GPR158: variants seen among roughly 807,000 people sequenced by gnomAD.
GPR158 encodes metabotropic glycine receptor.
In GPR158, 30 loss-of-function variants were observed where a neutral mutation model predicts 78.2. That is an observed-to-expected ratio of 0.38 (90% CI 0.29 to 0.52). The LOEUF (loss-of-function observed/expected upper bound fraction) is 0.52, where lower values mean the gene tolerates loss of function less well. GPR158 is among the 20% of genes least tolerant of loss of function. The pLI is 0.83. For missense variants in GPR158, 1,463 were observed against 1,523.5 expected, an observed-to-expected ratio of 0.96 and a Z score of 0.66; for synonymous variants, 581 against 591.1, an observed-to-expected ratio of 0.98 and a Z score of 0.25.
intron 7 of GPR158, among the ~76,000 whole-genome samples, chr10:25,573,232 T>G (rs1258012321): frequency 6.6e-6 from 1 of 152,248 alleles, no homozygotes; most frequent in African/African-American, 2.4e-5. Context: ...TCTTGATTTA[T>G]TTCCTTACTT....
At chr10:25,194,673 G>A (rs1402690245) in intron 1 of GPR158, among the ~76,000 whole-genome samples, 1 of 152,156 alleles carries the variant, frequency 6.6e-6, no homozygotes, top group Non-Finnish European at 1.5e-5. Flanking sequence ...AGTCACAATC[G>A]AAAACTGGCA....
chr10:25,211,568 C>G (rs1853131071), intron 1 of GPR158, among the ~76,000 whole-genome samples: 1 of 152,170 alleles, frequency 6.6e-6, no homozygotes, highest in Non-Finnish European at 1.5e-5. Flanking sequence ...GGGCGGAGCC[C>G]TTATGACCAG....
intron 5 of GPR158, among the ~76,000 whole-genome samples, chr10:25,471,075 A>G (rs185605653): frequency 4.6e-5 from 7 of 152,080 alleles, no homozygotes; most frequent in African/African-American, 1.4e-4. Flanking sequence ...TGTCATTTAT[A>G]TTAGGTATAT....
chr10:25,363,719 A>C (rs1051212931), intron 2 of GPR158, among the ~76,000 whole-genome samples: 6 of 151,898 alleles, frequency 4.0e-5, no homozygotes, highest in Non-Finnish European at 5.9e-5. Context: ...GGATCCTGCT[A>C]TGTGGTGCCT....
intron 2 of GPR158, among the ~76,000 whole-genome samples, chr10:25,350,187 C>T (rs904494839): frequency 1.3e-5 from 2 of 151,612 alleles, no homozygotes; most frequent in African/African-American, 2.4e-5. Context: ...TTACAAATAT[C>T]AGTAAGGCAT....
intron 7 of GPR158, among the ~76,000 whole-genome samples, chr10:25,577,598 G>C (rs1837120384): frequency 6.6e-6 from 1 of 152,144 alleles, no homozygotes; most frequent in African/African-American, 2.4e-5. Flanking sequence ...TACATTGAAA[G>C]ACCGGGCTCA....
chr10:25,448,885 A>G (rs1049622847), intron 4 of GPR158, among the ~76,000 whole-genome samples: 4 of 152,190 alleles, frequency 2.6e-5, no homozygotes, highest in African/African-American at 4.8e-5. Flanking sequence ...AGGCAATACA[A>G]ATGTATTTTA....
chr10:25,503,406 C>A (rs959929735), intron 5 of GPR158, among the ~76,000 whole-genome samples: 1 of 152,046 alleles, frequency 6.6e-6, no homozygotes, highest in Non-Finnish European at 1.5e-5. Context: ...AAAATCCCAA[C>A]CTTTGTCATG....
chr10:25,433,528 A>AGG (rs35309702), intron 4 of GPR158, among the ~76,000 whole-genome samples: 918 of 70,466 alleles, frequency 0.013, 7 homozygotes, highest in African/African-American at 0.049. Context: ...TGGTTTAGTT[A>AGG]GGGGTGTGTG....
intron 5 of GPR158, among the ~76,000 whole-genome samples, chr10:25,505,119 A>C (rs188302442): frequency 1.3e-5 from 2 of 152,340 alleles, no homozygotes; most frequent in African/African-American, 4.8e-5. Context: ...TGTGCCTAAC[A>C]CATAATAGAC....
intron 2 of GPR158, among the ~76,000 whole-genome samples, chr10:25,300,951 A>G (rs1256576708): frequency 6.6e-6 from 1 of 152,154 alleles, no homozygotes; most frequent in East Asian, 1.9e-4. Context: ...AAACATCACT[A>G]CTTCATTGAT....
intron 5 of GPR158, among the ~76,000 whole-genome samples, chr10:25,507,889 T>G (rs1370169405): frequency 6.6e-6 from 1 of 152,236 alleles, no homozygotes; most frequent in East Asian, 1.9e-4. Flanking sequence ...AGGAAGAACC[T>G]ACAATACTAA....
chr10:25,188,067 A>C (rs1346073027), intron 1 of GPR158, among the ~76,000 whole-genome samples: 1 of 152,184 alleles, frequency 6.6e-6, no homozygotes, highest in Non-Finnish European at 1.5e-5. Context: ...CTAGGAATCC[A>C]ACTTACAAGG....
chr10:25,255,031 G>T (rs1853872838), intron 2 of GPR158, among the ~76,000 whole-genome samples: 1 of 152,098 alleles, frequency 6.6e-6, no homozygotes, highest in Non-Finnish European at 1.5e-5. Flanking sequence ...TATTCCATGG[G>T]TCTGGACTCC....
At chr10:25,198,362 T>C (rs1564388953) in intron 1 of GPR158, among the ~76,000 whole-genome samples, 2 of 152,184 alleles carry the variant, frequency 1.3e-5, no homozygotes, top group South Asian at 4.1e-4. Flanking sequence ...TCTCTGGACA[T>C]GTCTGCTGCA....
chr10:25,336,691 T>G (rs1855213209), intron 2 of GPR158, among the ~76,000 whole-genome samples: 1 of 152,084 alleles, frequency 6.6e-6, no homozygotes, highest in South Asian at 2.1e-4. Context: ...CTTGCAGGGA[T>G]GTAATGCTGG....
intron 5 of GPR158, among the ~76,000 whole-genome samples, chr10:25,490,444 C>A (rs1274725884): frequency 3.1e-5 from 2 of 65,044 alleles, no homozygotes; most frequent in African/African-American, 1.3e-4. Flanking sequence ...CCTCCCCCCT[C>A]CCCCCACCCC....
chr10:25,204,818 G>GGTTTTTTTTTTT (rs1483084808), intron 1 of GPR158, among the ~76,000 whole-genome samples: 1 of 118,968 alleles, frequency 8.4e-6, no homozygotes, highest in African/African-American at 3.4e-5. Context: ...GTCTCTGAGG[G>GGTTTTTTTTTTT]TTTTTTTTTT....
At chr10:25,584,600 GT>G (rs1171818310) in intron 7 of GPR158, among the ~76,000 whole-genome samples, 1 of 152,176 alleles carries the variant, frequency 6.6e-6, no homozygotes, top group Non-Finnish European at 1.5e-5. Context: ...AGGAGATACT[GT>G]TTTCATAATG....
Sources: gnomAD v4.1 joint callset for allele counts (sites outside exome capture counted in the v4.1 genomes callset) on GRCh38, gnomAD v4.1.1 for gene constraint, MANE v1.5 for transcripts, NCBI Gene and HGNC (gene_info 2026-07-23, HGNC 2026-07-21) for gene names.